The following LOC128706666 variants were observed in gnomAD, a reference collection of about 807,000 sequenced individuals.
the LOC128706666 span, among the ~76,000 whole-genome samples, chr20:10,426,710 G>T: frequency 6.6e-6 from 1 of 152,292 alleles, no homozygotes; most frequent in East Asian, 1.9e-4. Flanking sequence ...CATGTCCTTG[G>T]CTGATTTTCA....
chr20:10,417,915 A>AT, the LOC128706666 span, among the ~76,000 whole-genome samples: 1 of 152,188 alleles, frequency 6.6e-6, no homozygotes, highest in Non-Finnish European at 1.5e-5. Context: ...AATGTGGGAA[A>AT]TTTTTTAAAA....
At chr20:10,414,282 T>TTTTTTA in the LOC128706666 span, among the ~76,000 whole-genome samples, 4 of 150,940 alleles carry the variant, frequency 2.7e-5, no homozygotes, top group Non-Finnish European at 3.0e-5. Flanking sequence ...TTTTTTTTTT[T>TTTTTTA]GAGATGGAGT....
the LOC128706666 span, among the ~76,000 whole-genome samples, chr20:10,426,743 C>T: frequency 6.6e-6 from 1 of 152,312 alleles, no homozygotes; most frequent in South Asian, 2.1e-4. Flanking sequence ...AAAAGGTTAA[C>T]AGCTGTCATT....
chr20:10,426,308 C>T, the LOC128706666 span, among the ~76,000 whole-genome samples: 4 of 152,200 alleles, frequency 2.6e-5, no homozygotes, highest in Admixed American at 2.6e-4. Flanking sequence ...TCAGGATTTC[C>T]AGTGTGTGAT....
chr20:10,415,395 A>G, the LOC128706666 span, among the ~76,000 whole-genome samples: 1 of 152,152 alleles, frequency 6.6e-6, no homozygotes, highest in African/African-American at 2.4e-5. Flanking sequence ...GAACAAGGGA[A>G]TGTTATGCAA....
At chr20:10,423,149 G>C in the LOC128706666 span, among the ~76,000 whole-genome samples, 2 of 152,262 alleles carry the variant, frequency 1.3e-5, no homozygotes, top group Non-Finnish European at 1.5e-5. Context: ...TATAAAAAGA[G>C]ATTAGGGCCA....
At chr20:10,415,311 C>A in the LOC128706666 span, among the ~76,000 whole-genome samples, 1 of 152,144 alleles carries the variant, frequency 6.6e-6, no homozygotes, top group Non-Finnish European at 1.5e-5. Context: ...TAAAGTACTT[C>A]CTAAAAGTAG....
chr20:10,424,661 C>T, the LOC128706666 span, among the ~76,000 whole-genome samples: 1 of 152,008 alleles, frequency 6.6e-6, no homozygotes, highest in Non-Finnish European at 1.5e-5. Flanking sequence ...TGTTTATAAA[C>T]TCTTGCAGAG....
chr20:10,430,176 A>G, the LOC128706666 span, among the ~76,000 whole-genome samples: 1 of 152,210 alleles, frequency 6.6e-6, no homozygotes, highest in Non-Finnish European at 1.5e-5. Context: ...GATCCTGCCT[A>G]CCAGTTTTCA....
chr20:10,414,604 C>T, the LOC128706666 span, among the ~76,000 whole-genome samples: 1 of 152,118 alleles, frequency 6.6e-6, no homozygotes, highest in East Asian at 1.9e-4. Context: ...TATCTTTATT[C>T]TCCAACATGA....
chr20:10,424,000 A>AG, the LOC128706666 span, among the ~76,000 whole-genome samples: 1 of 152,198 alleles, frequency 6.6e-6, no homozygotes, highest in Admixed American at 6.5e-5. Context: ...GGGGTGAGAG[A>AG]GCAAGTAACT....
the LOC128706666 span, among the ~76,000 whole-genome samples, chr20:10,417,727 A>C: frequency 6.6e-6 from 1 of 152,236 alleles, no homozygotes; most frequent in East Asian, 1.9e-4. Context: ...TATATGAAAC[A>C]ACATGATTAC....
the LOC128706666 span, among the ~76,000 whole-genome samples, chr20:10,422,159 T>C: frequency 6.6e-6 from 1 of 152,206 alleles, no homozygotes; most frequent in Non-Finnish European, 1.5e-5. Flanking sequence ...TATGAACATG[T>C]TATTCTTAGC....
At chr20:10,418,595 T>C in the LOC128706666 span, among the ~76,000 whole-genome samples, 1 of 152,134 alleles carries the variant, frequency 6.6e-6, no homozygotes, top group Non-Finnish European at 1.5e-5. Flanking sequence ...CTTTTAACTA[T>C]TGCTGCACTG....
chr20:10,420,334 G>A, the LOC128706666 span, among the ~76,000 whole-genome samples: 1 of 152,166 alleles, frequency 6.6e-6, no homozygotes, highest in Non-Finnish European at 1.5e-5. Context: ...TTGACTGCCA[G>A]GCAAGTGTCA....
the LOC128706666 span, among the ~76,000 whole-genome samples, chr20:10,426,483 T>C: frequency 6.6e-6 from 1 of 151,380 alleles, no homozygotes; most frequent in Admixed American, 6.6e-5. Flanking sequence ...TCGGCTCACC[T>C]CCGCATGCCA....
the LOC128706666 span, chr20:10,414,015 C>T: frequency 1.0e-5 from 4 of 390,986 alleles, no homozygotes; most frequent in South Asian, 2.9e-4. Flanking sequence ...TTCTAATGCT[C>T]TGCTGCCTTT....
the LOC128706666 span, among the ~76,000 whole-genome samples, chr20:10,417,595 T>A: frequency 6.6e-6 from 1 of 151,766 alleles, no homozygotes; most frequent in Non-Finnish European, 1.5e-5. Flanking sequence ...GGGTGACAAA[T>A]CAAGGCCTGT....
At chr20:10,415,345 G>A in the LOC128706666 span, among the ~76,000 whole-genome samples, 1 of 152,158 alleles carries the variant, frequency 6.6e-6, no homozygotes, top group African/African-American at 2.4e-5. Flanking sequence ...ATGGTGATCA[G>A]ACCAAAACCT....
Sources: gnomAD v4.1 joint callset for allele counts (sites outside exome capture counted in the v4.1 genomes callset) on GRCh38, gnomAD v4.1.1 for gene constraint, MANE v1.5 for transcripts.